Variants in TAC4 observed in about 807,000 individuals in gnomAD.
TAC4 encodes the protein tachykinin-4.
Under a neutral mutation model 17.7 loss-of-function variants are expected in TAC4, and 17 were observed. That is an observed-to-expected ratio of 0.96 (90% CI 0.66 to 1.44). The LOEUF (loss-of-function observed/expected upper bound fraction) is 1.44, where lower values mean the gene tolerates loss of function less well. Ranked by LOEUF, TAC4 falls within the 40% of genes most tolerant of loss-of-function variation. TAC4 has a pLI of 0.00. For synonymous variants in TAC4, 62 were observed against 52.4 expected (o/e 1.18, Z -0.79); for missense variants, 118 against 125.6 (o/e 0.94, Z 0.29).
Position 49,838,393 on chromosome 17 carries a change from A to G in TAC4, c.*249T>C. On this transcript the variant is annotated 3_prime_UTR_variant, in exon 5 of 5. Transcript: ENST00000436235. ...CTCACTGCTGTGCAGTGAGATGCCA[A>G]CTCTGAGTGTGAGGGAGGGCAGAGT... 1.7e-6 allele frequency: 1 copy of G among 586,632 alleles called. No homozygotes were observed. The highest frequency in any genetic ancestry group is 3.2e-5 in the Admixed American group (1 of 31,250). 36.3% of individuals were successfully genotyped at this position (586,632 alleles called of 1,614,324 possible).
chr17:49,839,093 A>ATC (rs2074478227), intron 4 of TAC4, among the ~76,000 whole-genome samples: 1 of 152,134 alleles, frequency 6.6e-6, no homozygotes, highest in Non-Finnish European at 1.5e-5. Context: ...AGGAACATTC[A>ATC]TCTCTATTTG....
At position 49,845,913 on chromosome 17, in the gene TAC4, G is replaced by C. The variant is rs559813360; in HGVS notation, c.106-1756C>G. ...CGTCAGTGGCTGGGGCATCTATCTT[G>C]AGCTGGAGTCACCCAGCCTGGCCAA... is the stretch of plus-strand genomic sequence containing the variant. On this transcript the variant is annotated intron_variant, in intron 1 of 4. Coordinates refer to ENST00000436235, the MANE Select transcript of TAC4 (RefSeq NM_001077506.2). 4.8e-5 allele frequency: 10 copies of C among 208,814 alleles called. No homozygotes were observed. In the Admixed American group the frequency reaches 4.8e-4, roughly 10 times the overall value. 12.9% of individuals were successfully genotyped at this position (208,814 alleles called of 1,614,324 possible). A position where few individuals can be genotyped will look rare whatever the true frequency, so the allele number is the denominator to read the frequency against.
chr17:49,841,401 C>G (rs2074497094), intron 3 of TAC4, 151 bp downstream of exon 3: 1 of 728,028 alleles, frequency 1.4e-6, no homozygotes, highest in Non-Finnish European at 2.0e-6. Flanking sequence ...CTAGCATGGC[C>G]AAACCACACT....
chr17:49,847,449 G>C, intron 1 of TAC4: 1 of 410,716 alleles, frequency 2.4e-6, no homozygotes, highest in Non-Finnish European at 4.3e-6. Flanking sequence ...CAGATGCACA[G>C]ATACACAGAA....
intron 4 of TAC4, among the ~76,000 whole-genome samples, chr17:49,839,265 G>C (rs572807526): frequency 2.0e-5 from 3 of 152,228 alleles, no homozygotes; most frequent in South Asian, 4.1e-4. Flanking sequence ...CTGCCGGGGC[G>C]CCCACTGCCC....
At position 49,842,698 on chromosome 17, in the gene TAC4, G is replaced by A. The variant is rs115644087; in HGVS notation, c.200-1114C>T. The stretch of plus-strand genomic sequence containing the variant: ...TACATCCACTATTTTGAAAAGGTTT[G>A]TACAAGTAAAATTTAAAGTCTCTCT... On this transcript the variant is annotated intron_variant, in intron 2 of 4. Transcript: ENST00000436235. 4.0e-3 allele frequency among the ~76,000 whole-genome samples: 613 copies of A among 152,126 alleles called. 5 individuals carry two copies. Among genetic ancestry groups the A allele is most frequent in the African/African-American group, 0.014 (594 of 41,476 alleles).
In TAC4 at chr17:49,844,119, C is replaced by G. The variant is rs755088493; in HGVS notation, c.144G>C (p.Glu48Asp). The change falls in exon 2 of 5, where the codon GAG becomes GAC. Residue 48 changes from glutamate to aspartate, a missense_variant. Physicochemically the swap from Glu to Asp is conservative, Grantham distance 45 (BLOSUM62 2). Coordinates refer to ENST00000436235, the MANE Select transcript of TAC4 (RefSeq NM_001077506.2). ...AGPSIQLQLQ[E>D]VKTGKASQFF... ...ACTGGCTTGCCTTGCCCGTCTTCAC[C>G]TCCTGCAGCTGGAGCTGAATGCTGG... 1.2e-6 allele frequency: 2 copies of G among 1,614,022 alleles called. No homozygotes were observed. Among genetic ancestry groups the G allele is most frequent in the East Asian group, 2.2e-5 (1 of 44,880 alleles).
chr17:49,840,517 T>A (rs1005916608), intron 3 of TAC4, among the ~76,000 whole-genome samples: 2 of 152,132 alleles, frequency 1.3e-5, no homozygotes, highest in African/African-American at 4.8e-5. Context: ...CTTTCTTTTT[T>A]TTTGAATGGA....
rs961873971 is a variant in TAC4, at chr17:49,838,503, C to T, written c.*139G>A. 3.5e-5 allele frequency: 35 copies of T among 1,002,582 alleles called. No homozygotes were observed. Among genetic ancestry groups the T allele is most frequent in the African/African-American group, 1.3e-4 (8 of 62,090 alleles). 62.1% of individuals were successfully genotyped at this position (1,002,582 alleles called of 1,614,324 possible). A position where few individuals can be genotyped will look rare whatever the true frequency, so the allele number is the denominator to read the frequency against. ...AGTCCAGGAAGAAGCCCAGTGGGTT[C>T]AGTGTGGGCCTTGTGTGAAGTGCCA... On this transcript the variant is annotated 3_prime_UTR_variant, in exon 5 of 5. Coordinates refer to ENST00000436235, the MANE Select transcript of TAC4 (RefSeq NM_001077506.2).
At chr17:49,847,831 G>A in intron 1 of TAC4, 82 bp downstream of exon 1, 1 of 1,608,662 alleles carries the variant, frequency 6.2e-7, no homozygotes, top group South Asian at 1.1e-5. Context: ...GCCATGCAGG[G>A]GATCTTCTGC....
chr17:49,838,367 C>T lies in TAC4; in HGVS notation c.*275G>A, dbSNP rs1053563161. On this transcript the variant is annotated 3_prime_UTR_variant, in exon 5 of 5. Coordinates refer to ENST00000436235, the MANE Select transcript of TAC4 (RefSeq NM_001077506.2). ...CACAGGATACAGAGTGTGCGAGTCT[C>T]CTCACTGCTGTGCAGTGAGATGCCA... is the stretch of plus-strand genomic sequence containing the variant. The T allele has an allele frequency of 9.3e-5, 51 of 549,784 alleles. No homozygotes were observed. Among genetic ancestry groups the T allele is most frequent in the Non-Finnish European group, 1.5e-4 (48 of 310,874 alleles). 34.1% of individuals were successfully genotyped at this position (549,784 alleles called of 1,614,324 possible).
chr17:49,842,538 A>AG (rs372240640), intron 2 of TAC4, among the ~76,000 whole-genome samples: 3 of 152,154 alleles, frequency 2.0e-5, no homozygotes, highest in Admixed American at 6.5e-5. Flanking sequence ...TCAAAAAAAA[A>AG]AAGAAGTTTG....
intron 4 of TAC4, 35 bp from the exon 5 acceptor site, chr17:49,838,708 C>T (rs1420917444): frequency 5.0e-6 from 8 of 1,606,682 alleles, no homozygotes; most frequent in East Asian, 2.3e-5. Context: ...CATGGTTAGT[C>T]GGGGGTCTTG....
rs569888637 is a variant in TAC4 at position 49,844,107 on chromosome 17, G to T, written c.156C>A (p.Gly52=). 3 of 1,613,786 alleles carry T rather than the reference G, an allele frequency of 1.9e-6. No individual in the cohort carries two copies. Among genetic ancestry groups the T allele is most frequent in the East Asian group, 4.5e-5 (2 of 44,880 alleles). ...TCAGCCCAAAGAACTGGCTTGCCTT[G>T]CCCGTCTTCACCTCCTGCAGCTGGA... ...IQLQLQEVKT[G]KASQFFGLMG... The change falls in exon 2 of 5, where the codon GGC becomes GGA. Residue 52 remains glycine (G), a synonymous_variant. Transcript: ENST00000436235.
chr17:49,846,516 G>C (rs1401788729), intron 1 of TAC4, among the ~76,000 whole-genome samples: 1 of 152,148 alleles, frequency 6.6e-6, no homozygotes, highest in Non-Finnish European at 1.5e-5. Flanking sequence ...GCCTCCAGCA[G>C]TCCTTCTGCC....
At chr17:49,839,541 G>T (rs760972374) in intron 4 of TAC4, among the ~76,000 whole-genome samples, 1 of 152,240 alleles carries the variant, frequency 6.6e-6, no homozygotes, top group Non-Finnish European at 1.5e-5. Flanking sequence ...GGGAATGGGG[G>T]ATGTTCCAAG....
intron 1 of TAC4, among the ~76,000 whole-genome samples, chr17:49,845,568 T>G (rs1260745648): frequency 6.6e-6 from 1 of 151,988 alleles, no homozygotes; most frequent in African/African-American, 2.4e-5. Context: ...TCTCTGAGAG[T>G]CTGGGAATAG....
chr17:49,841,123 T>C (rs1408852021), intron 3 of TAC4, among the ~76,000 whole-genome samples: 1 of 151,954 alleles, frequency 6.6e-6, no homozygotes, highest in African/African-American at 2.4e-5. Context: ...TGACCTCAAG[T>C]GATCTGGCTG....
chr17:49,845,116 G>T (rs1213468625), intron 1 of TAC4, among the ~76,000 whole-genome samples: 1 of 152,204 alleles, frequency 6.6e-6, no homozygotes, highest in African/African-American at 2.4e-5. Context: ...AGGCAGGACT[G>T]CTTCCCCTCC....
Sources: gnomAD v4.1 joint callset for allele counts (sites outside exome capture counted in the v4.1 genomes callset) on GRCh38, gnomAD v4.1.1 for gene constraint, MANE v1.5 for transcripts, NCBI Gene and HGNC (gene_info 2026-07-23, HGNC 2026-07-21) for gene names.